PCBP3: variants seen among roughly 807,000 people sequenced by gnomAD.
The protein encoded by PCBP3 is poly(rC)-binding protein 3.
Under a neutral mutation model 52.7 loss-of-function variants are expected in PCBP3, and 25 were observed. The ratio of observed to expected loss-of-function variants is 0.47; its 90% CI spans 0.35 to 0.66. The LOEUF (loss-of-function observed/expected upper bound fraction) is 0.66, where lower values mean the gene tolerates loss of function less well. PCBP3 is among the 30% of genes least tolerant of loss of function. The pLI, the probability that PCBP3 is intolerant of heterozygous loss-of-function variation, is 0.01. For synonymous variants in PCBP3, 162 were observed against 183.0 expected (o/e 0.89, Z 0.93); for missense variants, 391 against 490.3 (o/e 0.80, Z 1.91).
chr21:45,662,889 G>A (rs1401240270), intron 1 of PCBP3, among the ~76,000 whole-genome samples: 1 of 152,116 alleles, frequency 6.6e-6, no homozygotes. Context: ...CCGCTACTTA[G>A]CAGACTGGGA....
At chr21:45,926,296 C>G (rs1013105321) in intron 13 of PCBP3, among the ~76,000 whole-genome samples, 2 of 152,230 alleles carry the variant, frequency 1.3e-5, no homozygotes, top group African/African-American at 4.8e-5. Context: ...GTCTAGCCAT[C>G]TAGCACCTGC....
At chr21:45,855,113 C>G (rs532910515) in intron 5 of PCBP3, among the ~76,000 whole-genome samples, 10 of 152,284 alleles carry the variant, frequency 6.6e-5, no homozygotes, top group African/African-American at 2.4e-4. Context: ...GGCTCCACCA[C>G]GGAGGGAGGG....
Position 45,784,122 on chromosome 21 carries a change from G to A in PCBP3, c.-126+28670G>A, listed in dbSNP as rs73907878. 2.8e-3 allele frequency among the ~76,000 whole-genome samples: 427 copies of A among 152,308 alleles called. 5 individuals carry two copies. The highest frequency in any genetic ancestry group is 0.01 in the African/African-American group (416 of 41,570). On this transcript the variant is annotated intron_variant, in intron 4 of 17. Coordinates refer to ENST00000681687, the MANE Select transcript of PCBP3 (RefSeq NM_001384156.1). ...AGGGATGTAATTTGCAGAGTCCAGTGTGGAGAAGATTCTGGCTAACACCTC... is the reference window on the plus strand; with the variant it reads ...AGGGATGTAATTTGCAGAGTCCAGTATGGAGAAGATTCTGGCTAACACCTC...
intron 4 of PCBP3, among the ~76,000 whole-genome samples, chr21:45,823,172 T>G (rs78673368): frequency 0.015 from 2,306 of 152,310 alleles, 48 homozygotes; most frequent in African/African-American, 0.051. Flanking sequence ...TAAAACTGAT[T>G]GTACTGGCAC....
At chr21:45,786,588 G>C (rs2094888) in intron 4 of PCBP3, among the ~76,000 whole-genome samples, 25,255 of 152,158 alleles carry the variant, frequency 0.17, 2,211 homozygotes, top group Middle Eastern at 0.32. Context: ...ACCGCGCCTG[G>C]TCTTAAGTAT....
At chr21:45,649,326 C>T (rs2079530679) in intron 1 of PCBP3, among the ~76,000 whole-genome samples, 1 of 152,188 alleles carries the variant, frequency 6.6e-6, no homozygotes, top group Admixed American at 6.5e-5. Context: ...TCCCATAACA[C>T]ATGGGAATTC....
At chr21:45,740,894 A>G (rs1250954873) in intron 3 of PCBP3, among the ~76,000 whole-genome samples, 1 of 152,210 alleles carries the variant, frequency 6.6e-6, no homozygotes, top group Admixed American at 6.5e-5. Context: ...ATGGGGAGGC[A>G]GTAGAGATAC....
rs752876072 is a variant in PCBP3, at chr21:45,907,301, G to A, written c.340-2054G>A. Among the ~76,000 whole-genome samples the A allele has an allele frequency of 3.3e-4, 51 of 152,336 alleles. 1 individual carries two copies. Among genetic ancestry groups the A allele is most frequent in the South Asian group, 8.3e-4 (4 of 4,834 alleles). On this transcript the variant is annotated intron_variant, in intron 9 of 17. Transcript: ENST00000681687. ...TTTTCAGTGTGTTCTGCCAGTGGCT[G>A]TCATTCAGCAGAAGGGCTATTCCCA...
chr21:45,646,021 G>T (rs896226906), intron 1 of PCBP3, among the ~76,000 whole-genome samples: 2 of 149,824 alleles, frequency 1.3e-5, no homozygotes, highest in African/African-American at 5.0e-5. Flanking sequence ...TCATGGGCCC[G>T]CTGTCCATGG....
At chr21:45,874,390 T>C (rs1055792770) in intron 5 of PCBP3, among the ~76,000 whole-genome samples, 2 of 152,236 alleles carry the variant, frequency 1.3e-5, no homozygotes, top group Admixed American at 6.5e-5. Flanking sequence ...CTTTAATTGC[T>C]CTTTATGATG....
rs140473953 is a variant in PCBP3, at chr21:45,735,138, C to G, written c.-199-254C>G. Among the ~76,000 whole-genome samples, 1 of 152,268 alleles carries G rather than the reference C, an allele frequency of 6.6e-6. No homozygotes were observed. The highest frequency in any genetic ancestry group is 1.9e-4 in the East Asian group (1 of 5,180). The stretch of plus-strand genomic sequence containing the variant: ...GGACTGTGGGTCAAGGTTCAGGGAC[C>G]CTGGGGTTCTGAGTCTTTATCAGTG... On this transcript the variant is annotated intron_variant, in intron 2 of 17. Transcript: ENST00000681687. The surrounding 1 kb of genome is among the most constrained non-coding windows in gnomAD (Gnocchi z 4.0).
intron 4 of PCBP3, among the ~76,000 whole-genome samples, chr21:45,823,345 A>G (rs1289470866): frequency 2.0e-5 from 3 of 151,922 alleles, no homozygotes; most frequent in African/African-American, 7.3e-5. Context: ...CCTTCAGGGG[A>G]CCTTCCACAC....
chr21:45,755,907 A>C (rs2087993193), intron 4 of PCBP3, among the ~76,000 whole-genome samples: 2 of 152,188 alleles, frequency 1.3e-5, no homozygotes. Flanking sequence ...TAATGTCTTT[A>C]AAGAAACGGA....
chr21:45,932,594 A>G (rs184616835), intron 15 of PCBP3, among the ~76,000 whole-genome samples: 3 of 150,972 alleles, frequency 2.0e-5, no homozygotes, highest in African/African-American at 4.9e-5. Context: ...CACCTGGGCC[A>G]TGCTGTCCCG....
chr21:45,767,763 A>G (rs890220465), intron 4 of PCBP3, among the ~76,000 whole-genome samples: 9 of 152,238 alleles, frequency 5.9e-5, no homozygotes, highest in African/African-American at 2.2e-4. Flanking sequence ...AGGCCATGGC[A>G]GGGTCTCTGC....
chr21:45,671,804 T>C (rs755530654), intron 2 of PCBP3, among the ~76,000 whole-genome samples: 2 of 152,216 alleles, frequency 1.3e-5, no homozygotes, highest in Non-Finnish European at 2.9e-5. Context: ...TCATCACTTA[T>C]GTCAGTGGGG....
intron 4 of PCBP3, among the ~76,000 whole-genome samples, chr21:45,795,958 C>A (rs901507927): frequency 8.5e-5 from 13 of 152,176 alleles, no homozygotes; most frequent in Admixed American, 1.3e-4. Context: ...ATTTGGAAAT[C>A]TAAGTGAACA....
intron 2 of PCBP3, among the ~76,000 whole-genome samples, chr21:45,733,252 T>A (rs1284639816): frequency 6.6e-6 from 1 of 152,236 alleles, no homozygotes; most frequent in Non-Finnish European, 1.5e-5. Context: ...TATCATCTTC[T>A]ACATATACAA....
At position 45,900,587 on chromosome 21, in the gene PCBP3, C is replaced by G. The variant is rs201651573; in HGVS notation, c.190-4C>G. ...TTTCCTTATTGTCTAAATCTTTATT[C>G]CAGAAAGGAGAAACTGTGAAGAAGA... On this transcript the variant is annotated splice_region_variant and splice_polypyrimidine_tract_variant and intron_variant, in intron 7 of 17. Coordinates refer to ENST00000681687, the MANE Select transcript of PCBP3 (RefSeq NM_001384156.1). 34 of 1,610,450 alleles carry G rather than the reference C, an allele frequency of 2.1e-5. No homozygotes were observed. In the African/African-American group the frequency reaches 4.1e-4, roughly 20 times the overall value.
Sources: allele counts gnomAD v4.1 joint callset (sites outside exome capture counted in the v4.1 genomes callset), GRCh38; gene constraint gnomAD v4.1.1; non-coding constraint Gnocchi (gnomAD v3.1); transcripts MANE v1.5; gene names NCBI Gene and HGNC (gene_info 2026-07-23, HGNC 2026-07-21).